The following FIGN variants were observed in gnomAD, a reference collection of about 807,000 sequenced individuals.
FIGN encodes fidgetin.
A neutral mutation model predicts 51.3 loss-of-function variants in FIGN; 11 were observed. That is an observed-to-expected ratio of 0.21 (90% CI 0.13 to 0.35). The LOEUF (loss-of-function observed/expected upper bound fraction) is 0.35. FIGN is among the 10% of genes least tolerant of loss of function. FIGN has a pLI of 1.00. For synonymous variants in FIGN, 407 were observed against 363.2 expected (o/e 1.12, Z -1.37); for missense variants, 857 against 943.6 (o/e 0.91, Z 1.20).
intron 2 of FIGN, among the ~76,000 whole-genome samples, chr2:163,644,956 AAGGGTAC>A (rs1226725235): frequency 6.6e-6 from 1 of 152,166 alleles, no homozygotes; most frequent in Non-Finnish European, 1.5e-5. Context: ...ATCAGAGCTA[AAGGGTAC>A]AGTGTTTCTA....
At chr2:163,701,597 G>A (rs1684408783) in intron 2 of FIGN, among the ~76,000 whole-genome samples, 1 of 152,192 alleles carries the variant, frequency 6.6e-6, no homozygotes, top group Non-Finnish European at 1.5e-5. Flanking sequence ...TCCCAGCAGA[G>A]TATACAGTGG....
At chr2:163,718,814 A>G (rs187267151) in intron 2 of FIGN, among the ~76,000 whole-genome samples, 1 of 149,334 alleles carries the variant, frequency 6.7e-6, no homozygotes, top group East Asian at 2.0e-4. Context: ...TAATAAACAG[A>G]TTATATATAT....
chr2:163,638,620 A>G (rs1248966854), intron 2 of FIGN, among the ~76,000 whole-genome samples: 1 of 152,218 alleles, frequency 6.6e-6, no homozygotes, highest in East Asian at 1.9e-4. Context: ...TGTTTGGAAG[A>G]TGAACATTTC....
intron 2 of FIGN, among the ~76,000 whole-genome samples, chr2:163,706,524 T>A (rs1684502315): frequency 6.6e-6 from 1 of 152,192 alleles, no homozygotes; most frequent in Non-Finnish European, 1.5e-5. Context: ...CTAATCATGA[T>A]GATTCAAACA....
At chr2:163,646,953 G>A (rs183702141) in intron 2 of FIGN, among the ~76,000 whole-genome samples, 1 of 152,332 alleles carries the variant, frequency 6.6e-6, no homozygotes, top group Admixed American at 6.5e-5. Flanking sequence ...AGTAAACACT[G>A]CCACAGTTAC....
At chr2:163,650,103 T>A (rs1426996634) in intron 2 of FIGN, among the ~76,000 whole-genome samples, 1 of 152,136 alleles carries the variant, frequency 6.6e-6, no homozygotes, top group Non-Finnish European at 1.5e-5. Context: ...TGAAATTTAA[T>A]TATTTGTGAT....
At chr2:163,664,697 T>A (rs887130265) in intron 2 of FIGN, among the ~76,000 whole-genome samples, 1 of 152,226 alleles carries the variant, frequency 6.6e-6, no homozygotes, top group African/African-American at 2.4e-5. Flanking sequence ...CTACTAAACC[T>A]ATCTTTAATC....
chr2:163,649,087 C>A (rs1683429351), intron 2 of FIGN, among the ~76,000 whole-genome samples: 1 of 152,054 alleles, frequency 6.6e-6, no homozygotes, highest in Admixed American at 6.6e-5. Context: ...CAGAGGAAAT[C>A]ATCTCATATG....
rs372786690 is a variant in FIGN, at chr2:163,734,921, T to G, written c.7A>C (p.Ser3Arg). Residue 3 changes from serine (S) to arginine (R), a missense_variant, in exon 2 of 3, where the codon AGT becomes CGT. This residue lies in a region of FIGN where 56 missense variants were observed against 75.3 expected (regional missense o/e 0.74). Transcript: ENST00000333129. MI[S>R]STSVYGLKMQ... ...GACATACCATAAACACTGGTGCTAC[T>G]GATCATTTCTTGCTGGCAGCACAAA... 6 of 1,611,250 alleles carry G rather than the reference T, an allele frequency of 3.7e-6. No individual in the cohort carries two copies. Among genetic ancestry groups the G allele is most frequent in the Non-Finnish European group, 5.1e-6 (6 of 1,178,996 alleles).
chr2:163,675,448 G>C (rs550853697), intron 2 of FIGN, among the ~76,000 whole-genome samples: 2 of 152,208 alleles, frequency 1.3e-5, no homozygotes, highest in Non-Finnish European at 2.9e-5. Flanking sequence ...CATCACTGGG[G>C]AAACTGTTAG....
chr2:163,677,625 T>C (rs1377979086), intron 2 of FIGN, among the ~76,000 whole-genome samples: 1 of 152,266 alleles, frequency 6.6e-6, no homozygotes, highest in Admixed American at 6.5e-5. Flanking sequence ...TATTAGGCTA[T>C]TCTGATATTA....
chr2:163,729,026 G>A (rs1684886021), intron 2 of FIGN, among the ~76,000 whole-genome samples: 1 of 152,114 alleles, frequency 6.6e-6, no homozygotes, highest in Non-Finnish European at 1.5e-5. Context: ...TATCTGAGAT[G>A]TTACTATTTC....
intron 2 of FIGN, among the ~76,000 whole-genome samples, chr2:163,715,209 G>A (rs1054209912): frequency 1.3e-5 from 2 of 152,174 alleles, no homozygotes; most frequent in African/African-American, 4.8e-5. Context: ...GCAGTTATGG[G>A]AAAAATGTAC....
intron 2 of FIGN, 57 bp downstream of exon 2, chr2:163,734,846 A>C: frequency 1.3e-6 from 2 of 1,532,666 alleles, no homozygotes; most frequent in Non-Finnish European, 1.8e-6. Flanking sequence ...TTATCATGCT[A>C]TTTCATTTGT....
At chr2:163,645,326 G>T (rs1170414567) in intron 2 of FIGN, among the ~76,000 whole-genome samples, 1 of 152,074 alleles carries the variant, frequency 6.6e-6, no homozygotes, top group East Asian at 1.9e-4. Flanking sequence ...TTCAGGAAAG[G>T]CCCTAGCATT....
intron 2 of FIGN, among the ~76,000 whole-genome samples, chr2:163,672,582 T>C (rs915960019): frequency 1.3e-5 from 2 of 152,162 alleles, no homozygotes; most frequent in African/African-American, 4.8e-5. Flanking sequence ...GAGGAATCCA[T>C]AGATGATCTC....
intron 2 of FIGN, among the ~76,000 whole-genome samples, chr2:163,727,026 C>A (rs1684848350): frequency 6.6e-6 from 1 of 151,756 alleles, no homozygotes; most frequent in South Asian, 2.1e-4. Context: ...CTGAATCATA[C>A]CGAATTAAGA....
At chr2:163,661,818 T>C (rs557486615) in intron 2 of FIGN, among the ~76,000 whole-genome samples, 17 of 152,262 alleles carry the variant, frequency 1.1e-4, no homozygotes, top group African/African-American at 3.4e-4. Context: ...GCTGCCACCA[T>C]GTAAGAAGTG....
At chr2:163,657,947 G>A (rs1358601525) in intron 2 of FIGN, among the ~76,000 whole-genome samples, 3 of 152,056 alleles carry the variant, frequency 2.0e-5, no homozygotes, top group South Asian at 2.1e-4. Flanking sequence ...TGGGAGCAAC[G>A]TAACAACACT....
Sources: allele counts gnomAD v4.1 joint callset (sites outside exome capture counted in the v4.1 genomes callset), GRCh38; gene constraint gnomAD v4.1.1; regional missense constraint gnomAD v4.1.1; transcripts MANE v1.5; gene names NCBI Gene and HGNC (gene_info 2026-07-23, HGNC 2026-07-21).